RB1CC1: variants seen among roughly 807,000 people sequenced by gnomAD.
The protein encoded by RB1CC1 is RB1-inducible coiled-coil protein 1.
In RB1CC1, 46 loss-of-function variants were observed where a neutral mutation model predicts 177.5. The observed-to-expected ratio is 0.26, with a 90% CI of 0.20 to 0.33. RB1CC1 has a LOEUF of 0.33. RB1CC1 is among the 10% of genes least tolerant of loss of function. RB1CC1 has a pLI of 1.00. For missense variants in RB1CC1, 1,703 were observed against 1,816.3 expected (o/e 0.94, Z 1.13); for synonymous variants, 666 against 613.6 (o/e 1.09, Z -1.26).
chr8:52,700,911 A>T (rs1855986966), intron 1 of RB1CC1, among the ~76,000 whole-genome samples: 1 of 152,212 alleles, frequency 6.6e-6, no homozygotes, highest in Non-Finnish European at 1.5e-5. Context: ...TGAAACGTGA[A>T]ATCTTTACTT....
At chr8:52,628,201 A>G in intron 21 of RB1CC1, 33 bp from the exon 22 acceptor site, 1 of 1,590,002 alleles carries the variant, frequency 6.3e-7, no homozygotes. Flanking sequence ...ATTGACTTAG[A>G]GTTACTTTCA....
At chr8:52,687,962 GC>G (rs1854427770) in intron 1 of RB1CC1, among the ~76,000 whole-genome samples, 1 of 152,196 alleles carries the variant, frequency 6.6e-6, no homozygotes. Flanking sequence ...TGGAGCCACA[GC>G]AGAGGAACAT....
At chr8:52,672,639 G>C (rs554990817) in intron 7 of RB1CC1, among the ~76,000 whole-genome samples, 1 of 152,080 alleles carries the variant, frequency 6.6e-6, no homozygotes. Context: ...CCAGCTACTC[G>C]GGAGGCTGAG....
intron 1 of RB1CC1, among the ~76,000 whole-genome samples, chr8:52,708,436 G>T (rs1192694845): frequency 3.3e-5 from 5 of 152,282 alleles, no homozygotes; most frequent in Non-Finnish European, 7.4e-5. Context: ...AGAATGGCGT[G>T]AACCCAGGAG....
chr8:52,639,736 T>C (rs1309034699), intron 18 of RB1CC1, among the ~76,000 whole-genome samples: 2 of 152,164 alleles, frequency 1.3e-5, no homozygotes, highest in Non-Finnish European at 1.5e-5. Context: ...CTATAAACCT[T>C]CTCAAGTAAT....
chr8:52,635,526 T>C (rs979684160), intron 19 of RB1CC1, among the ~76,000 whole-genome samples: 4 of 152,168 alleles, frequency 2.6e-5, no homozygotes, highest in Admixed American at 6.5e-5. Flanking sequence ...TTTGATCTTA[T>C]AGTACCCTTA....
intron 15 of RB1CC1, among the ~76,000 whole-genome samples, chr8:52,654,621 G>C (rs896634): frequency 0.024 from 3,601 of 152,148 alleles, 163 homozygotes; most frequent in African/African-American, 0.082. Context: ...GCTTGAAAAG[G>C]GCTCTCCTGA....
At chr8:52,642,847 C>A (rs374116979) in intron 16 of RB1CC1, 35 bp from the exon 17 acceptor site, 7 of 1,479,506 alleles carry the variant, frequency 4.7e-6, no homozygotes, top group Non-Finnish European at 6.2e-6. Flanking sequence ...AATTTATCTA[C>A]ATGTACTTAG....
At chr8:52,709,378 C>T (rs546972284) in intron 1 of RB1CC1, among the ~76,000 whole-genome samples, 6 of 152,216 alleles carry the variant, frequency 3.9e-5, no homozygotes, top group African/African-American at 9.6e-5. Flanking sequence ...ACAATTTTCT[C>T]GAGAGATTAT....
intron 22 of RB1CC1, among the ~76,000 whole-genome samples, chr8:52,626,357 C>G (rs895118473): frequency 5.9e-5 from 9 of 151,992 alleles, no homozygotes; most frequent in Non-Finnish European, 8.8e-5. Context: ...TTAATGTTTC[C>G]CAGATTTAAA....
intron 3 of RB1CC1, 88 bp from the exon 4 acceptor site, chr8:52,684,101 A>T (rs1219387195): frequency 9.3e-6 from 13 of 1,398,632 alleles, no homozygotes; most frequent in African/African-American, 1.5e-5. Context: ...AACACCTTAG[A>T]GGTTAATGAA....
chr8:52,702,810 T>A (rs934434974), intron 1 of RB1CC1, among the ~76,000 whole-genome samples: 1 of 152,028 alleles, frequency 6.6e-6, no homozygotes, highest in Non-Finnish European at 1.5e-5. Flanking sequence ...AATCTGTAAA[T>A]GGGGATATTT....
chr8:52,628,086 A>G lies in RB1CC1; in HGVS notation c.4582T>C (p.Tyr1528His). The change falls in exon 22 of 24, where the codon TAT becomes CAT. Residue 1528 changes from tyrosine (Y) to histidine (H), a missense_variant. By Grantham distance (83) the Tyr-to-His change is moderately conservative. Around this residue, in one of 6 missense-constraint regions of RB1CC1, gnomAD observed 70 missense variants for 118.0 expected, o/e 0.59. Coordinates refer to ENST00000025008, the MANE Select transcript of RB1CC1 (RefSeq NM_014781.5). ...GGTAGAGACTCTGAATGTAGAAAAT[A>G]TAAAGTAGGACTAACAGTAAATAAC... ...YVLFTVSPTL[Y>H]FLHSESLPAL... 1 of 1,606,158 alleles carries G rather than the reference A, an allele frequency of 6.2e-7. No homozygotes were observed. The highest frequency in any genetic ancestry group is 8.5e-7 in the Non-Finnish European group (1 of 1,174,776).
At chr8:52,713,444 T>G (rs1857224928) in intron 1 of RB1CC1, among the ~76,000 whole-genome samples, 1 of 152,218 alleles carries the variant, frequency 6.6e-6, no homozygotes, top group Admixed American at 6.5e-5. Context: ...AGCTGTGAAA[T>G]CCGCGTGCAC....
intron 15 of RB1CC1, among the ~76,000 whole-genome samples, chr8:52,649,471 G>C (rs1850370310): frequency 6.6e-6 from 1 of 152,070 alleles, no homozygotes; most frequent in Non-Finnish European, 1.5e-5. Context: ...CTTGATGCTT[G>C]AACTCTTAAC....
chr8:52,690,302 C>T (rs79663328), intron 1 of RB1CC1, among the ~76,000 whole-genome samples: 1 of 152,144 alleles, frequency 6.6e-6, no homozygotes, highest in Non-Finnish European at 1.5e-5. Flanking sequence ...AGGAATATTC[C>T]TTCATTCATT....
chr8:52,660,599 A>C lies in RB1CC1; in HGVS notation c.1686T>G (p.Phe562Leu). ...FRGLDSWPPSFCTQKPRKFDC... is the reference protein window; with the variant it reads ...FRGLDSWPPSLCTQKPRKFDC... ...TGGTTAGAAAATAAATACATACACA[A>C]AAGGAAGGGGGCCAGGAGTCCAGTC... Residue 562 changes from phenylalanine to leucine, a missense_variant, in exon 12 of 24, where the codon TTT becomes TTG. Physicochemically the swap from Phe to Leu is conservative, Grantham distance 22. Transcript: ENST00000025008. The C allele has an allele frequency of 1.3e-6, 2 of 1,586,218 alleles. No individual in the cohort carries two copies. Among genetic ancestry groups the C allele is most frequent in the Non-Finnish European group, 1.7e-6 (2 of 1,170,708 alleles).
At chr8:52,650,426 G>T (rs62499946) in intron 15 of RB1CC1, among the ~76,000 whole-genome samples, 1 of 152,310 alleles carries the variant, frequency 6.6e-6, no homozygotes, top group Non-Finnish European at 1.5e-5. Context: ...ACTGACGAAA[G>T]TCTTCAAAGA....
rs150705725 is a variant in RB1CC1, at chr8:52,672,371, A to G, written c.1002+1474T>C. Among the ~76,000 whole-genome samples, 280 of 152,326 alleles carry G rather than the reference A, an allele frequency of 1.8e-3. 2 individuals carry two copies. The highest frequency in any genetic ancestry group is 6.6e-3 in the African/African-American group (274 of 41,576). On this transcript the variant is annotated intron_variant, in intron 7 of 23. Coordinates refer to ENST00000025008, the MANE Select transcript of RB1CC1 (RefSeq NM_014781.5). ...AAGACTCCGTGAAATTTCACACTGA[A>G]CATGGAAATACAAAGCCGATTTCAG...
Sources: allele counts gnomAD v4.1 joint callset (sites outside exome capture counted in the v4.1 genomes callset), GRCh38; gene constraint gnomAD v4.1.1; regional missense constraint gnomAD v4.1.1; transcripts MANE v1.5; gene names NCBI Gene and HGNC (gene_info 2026-07-23, HGNC 2026-07-21).